Variants in MAML3 observed in about 807,000 individuals in gnomAD.
The protein encoded by MAML3 is mastermind-like protein 3.
In MAML3, 27 loss-of-function variants were observed where a neutral mutation model predicts 101.9. The ratio of observed to expected loss-of-function variants is 0.27; its 90% confidence interval spans 0.20 to 0.37. The LOEUF (loss-of-function observed/expected upper bound fraction) is 0.37. MAML3 is among the 10% of genes least tolerant of loss of function. The pLI is 1.00. For missense variants in MAML3, 1,316 were observed against 1,444.9 expected (o/e 0.91, Z 1.45); for synonymous variants, 501 against 555.9 (o/e 0.90, Z 1.39).
intron 1 of MAML3, among the ~76,000 whole-genome samples, chr4:139,905,956 A>G (rs958864283): frequency 6.6e-6 from 1 of 152,196 alleles, no homozygotes; most frequent in Non-Finnish European, 1.5e-5. Context: ...AGCCCATTAC[A>G]TGATCCAATA....
intron 2 of MAML3, among the ~76,000 whole-genome samples, chr4:139,885,927 C>A (rs1372835640): frequency 3.1e-5 from 1 of 32,656 alleles, no homozygotes; most frequent in Non-Finnish European, 6.2e-5. Flanking sequence ...GGCAAGACTC[C>A]GTCTCAAAAA....
At chr4:139,755,539 C>T (rs913462274) in intron 2 of MAML3, among the ~76,000 whole-genome samples, 2 of 152,120 alleles carry the variant, frequency 1.3e-5, no homozygotes, top group Admixed American at 6.5e-5. Flanking sequence ...ACCCGGGAGG[C>T]GGAGCTTGCA....
In MAML3 at chr4:140,076,094, T is replaced by TGGC. The variant is rs111565878; in HGVS notation, c.468+76763_468+76765dup. ...GTTGCCCAGGCTGGTCTTAAACACC[T>TGGC]GGCCTCAAGTGATCGTCCTGCCTCA... On this transcript the variant is annotated intron_variant, in intron 1 of 4. Coordinates refer to ENST00000509479, the MANE Select transcript of MAML3 (RefSeq NM_018717.5). Among the ~76,000 whole-genome samples, 1,150 of 152,164 alleles carry TGGC rather than the reference T, an allele frequency of 7.6e-3. 12 individuals are homozygous for TGGC. The highest frequency in any genetic ancestry group is 0.026 in the African/African-American group (1,076 of 41,510).
chr4:139,885,279 T>A (rs915037091), intron 2 of MAML3, among the ~76,000 whole-genome samples: 1 of 151,840 alleles, frequency 6.6e-6, no homozygotes, highest in African/African-American at 2.4e-5. Context: ...TGGTGGCACA[T>A]GCCTGTAGTC....
At chr4:140,088,489 C>A (rs1344402899) in intron 1 of MAML3, among the ~76,000 whole-genome samples, 2 of 152,208 alleles carry the variant, frequency 1.3e-5, no homozygotes, top group Admixed American at 1.3e-4. Context: ...CACTGCTCCA[C>A]GGTTTGGGCC....
chr4:139,955,495 GTTTC>G (rs973679616), intron 1 of MAML3, among the ~76,000 whole-genome samples: 3 of 152,024 alleles, frequency 2.0e-5, no homozygotes, highest in African/African-American at 4.8e-5. Flanking sequence ...GATTACAATT[GTTTC>G]TTTCTTCTTT....
At chr4:139,767,924 G>C (rs886199819) in intron 2 of MAML3, among the ~76,000 whole-genome samples, 1 of 152,166 alleles carries the variant, frequency 6.6e-6, no homozygotes, top group Non-Finnish European at 1.5e-5. Context: ...AGATGTGATG[G>C]CCAGAATGGC....
chr4:140,133,730 A>T (rs1278765530), intron 1 of MAML3, among the ~76,000 whole-genome samples: 2 of 152,160 alleles, frequency 1.3e-5, no homozygotes, highest in Non-Finnish European at 2.9e-5. Context: ...AACAGTCAAA[A>T]ACCTGTTTCT....
chr4:139,748,420 T>C (rs1729393011), intron 2 of MAML3, among the ~76,000 whole-genome samples: 1 of 152,104 alleles, frequency 6.6e-6, no homozygotes, highest in Admixed American at 6.6e-5. Flanking sequence ...GAAGTGGAGC[T>C]CAGATTGAGA....
intron 1 of MAML3, among the ~76,000 whole-genome samples, chr4:139,935,958 A>G (rs1432960084): frequency 6.6e-6 from 1 of 152,182 alleles, no homozygotes; most frequent in African/African-American, 2.4e-5. Context: ...TGTAGTTACC[A>G]TATTGTACAT....
chr4:139,967,627 G>C (rs911544106), intron 1 of MAML3, among the ~76,000 whole-genome samples: 1 of 151,830 alleles, frequency 6.6e-6, no homozygotes, highest in East Asian at 1.9e-4. Flanking sequence ...GAGTTCTTGA[G>C]GGCATCTAAA....
At position 140,076,021 on chromosome 4, in the gene MAML3, C is replaced by A. The variant is rs185459207; in HGVS notation, c.468+76839G>T. ...AAGGGATCCACCTGCCTTGGCCTCC[C>A]AAAGTGCTGGGATTACAGGCGTGAG... On this transcript the variant is annotated intron_variant, in intron 1 of 4. Transcript: ENST00000509479. 2.5e-3 allele frequency among the ~76,000 whole-genome samples: 376 copies of A among 151,956 alleles called. 3 individuals are homozygous for A. The highest frequency in any genetic ancestry group is 8.6e-3 in the African/African-American group (355 of 41,444).
intron 1 of MAML3, among the ~76,000 whole-genome samples, chr4:139,979,271 T>C (rs1044939374): frequency 2.6e-5 from 4 of 152,226 alleles, no homozygotes; most frequent in Non-Finnish European, 5.9e-5. Flanking sequence ...ATGCTAGAAA[T>C]GAGTCTAGAC....
At chr4:139,979,503 T>G (rs1371790859) in intron 1 of MAML3, among the ~76,000 whole-genome samples, 1 of 152,114 alleles carries the variant, frequency 6.6e-6, no homozygotes, top group Non-Finnish European at 1.5e-5. Flanking sequence ...CCACTAACAG[T>G]TGGGTTAGTG....
chr4:139,761,152 G>T (rs1461137393), intron 2 of MAML3, among the ~76,000 whole-genome samples: 1 of 152,096 alleles, frequency 6.6e-6, no homozygotes, highest in Non-Finnish European at 1.5e-5. Flanking sequence ...TAGAGATGGG[G>T]TTTCACCATG....
chr4:139,923,618 T>TTGTGTGTGTG (rs3079902), intron 1 of MAML3, among the ~76,000 whole-genome samples: 4 of 150,320 alleles, frequency 2.7e-5, no homozygotes, highest in African/African-American at 9.7e-5. Flanking sequence ...GGGGTAGTCT[T>TTGTGTGTGTG]TGTGTGTGTG....
intron 1 of MAML3, among the ~76,000 whole-genome samples, chr4:140,149,557 AG>A (rs1729120674): frequency 6.6e-6 from 1 of 152,264 alleles, no homozygotes; most frequent in African/African-American, 2.4e-5. Flanking sequence ...CGAGGCAGAA[AG>A]ATAATTAATC....
At chr4:140,066,566 A>G (rs562248934) in intron 1 of MAML3, among the ~76,000 whole-genome samples, 2 of 152,354 alleles carry the variant, frequency 1.3e-5, no homozygotes, top group East Asian at 1.9e-4. Context: ...TGCCCTAGGA[A>G]TTAATCTCAG....
chr4:140,101,883 C>T (rs1208454877), intron 1 of MAML3, among the ~76,000 whole-genome samples: 1 of 151,282 alleles, frequency 6.6e-6, no homozygotes, highest in Admixed American at 6.6e-5. Context: ...GCCAGATTCC[C>T]CTTGTTTTGT....
Sources: allele counts gnomAD v4.1 joint callset (sites outside exome capture counted in the v4.1 genomes callset), GRCh38; gene constraint gnomAD v4.1.1; transcripts MANE v1.5; gene names NCBI Gene and HGNC (gene_info 2026-07-23, HGNC 2026-07-21).